The following ASXL2 variants were observed in gnomAD, a reference collection of about 807,000 sequenced individuals.
The protein encoded by ASXL2 is ASXL transcriptional regulator 2.
ASXL2 carries 23 observed loss-of-function variants against 122.0 expected under a neutral mutation model. The ratio of observed to expected loss-of-function variants is 0.19; its 90% CI spans 0.14 to 0.27. The LOEUF (loss-of-function observed/expected upper bound fraction) is 0.27. ASXL2 is among the 10% of genes least tolerant of loss of function. The pLI is 1.00. For missense variants in ASXL2, 1,518 were observed against 1,713.8 expected (o/e 0.89, Z 2.02); for synonymous variants, 650 against 637.0 (o/e 1.02, Z -0.31).
At chr2:25,853,887 T>C (rs2089747014) in intron 1 of ASXL2, among the ~76,000 whole-genome samples, 1 of 151,974 alleles carries the variant, frequency 6.6e-6, no homozygotes, top group Non-Finnish European at 1.5e-5. Flanking sequence ...ATTAGGAACA[T>C]ATGTGGCAAG....
chr2:25,789,658 C>A (rs1292743354), intron 5 of ASXL2, among the ~76,000 whole-genome samples: 1 of 152,070 alleles, frequency 6.6e-6, no homozygotes. Context: ...TGAGTGCCAA[C>A]ACGATGCTCA....
chr2:25,872,243 G>A (rs1200368228), intron 1 of ASXL2, among the ~76,000 whole-genome samples: 18 of 152,236 alleles, frequency 1.2e-4, no homozygotes, highest in Admixed American at 9.8e-4. Context: ...TTAGCCAGGC[G>A]TGGTAGTGCG....
At chr2:25,838,596 C>T (rs955252638) in intron 2 of ASXL2, among the ~76,000 whole-genome samples, 6 of 152,072 alleles carry the variant, frequency 3.9e-5, no homozygotes, top group Non-Finnish European at 4.4e-5. Context: ...ACACTCCTGA[C>T]AAATAGTTTG....
intron 5 of ASXL2, among the ~76,000 whole-genome samples, chr2:25,788,111 T>G (rs2149165492): frequency 6.6e-6 from 1 of 152,176 alleles, no homozygotes; most frequent in East Asian, 1.9e-4. Context: ...TGCAATAAAG[T>G]AAATGAAAGA....
intron 1 of ASXL2, among the ~76,000 whole-genome samples, chr2:25,867,180 G>A (rs540252573): frequency 1.1e-3 from 171 of 152,114 alleles, no homozygotes; most frequent in Middle Eastern, 3.4e-3. Flanking sequence ...GATTACAGGC[G>A]TGAGCCACCG....
intron 9 of ASXL2, among the ~76,000 whole-genome samples, 172 bp from the exon 10 acceptor site, chr2:25,756,286 T>TAGA (rs2088131948): frequency 6.6e-6 from 1 of 151,988 alleles, no homozygotes; most frequent in Non-Finnish European, 1.5e-5. Context: ...AATATCACTT[T>TAGA]GTTCTAAAAC....
At chr2:25,759,735 C>T in intron 8 of ASXL2, 90 bp from the exon 9 acceptor site, 1 of 1,302,644 alleles carries the variant, frequency 7.7e-7, no homozygotes, top group Non-Finnish European at 1.0e-6. Flanking sequence ...AAAAAATCCA[C>T]AATTGTAAGC....
At position 25,768,060 on chromosome 2, in the gene ASXL2, A is replaced by G. The variant is rs116797333; in HGVS notation, c.632-334T>C. ...AGTCTGTGTCTAGAAAGTTTAGAGTAGAAACAAACAAGCAACCACAACAAA... is the reference window on the plus strand; with the variant it reads ...AGTCTGTGTCTAGAAAGTTTAGAGTGGAAACAAACAAGCAACCACAACAAA... On this transcript the variant is annotated intron_variant, in intron 7 of 12. Transcript: ENST00000435504. Among the ~76,000 whole-genome samples the G allele has an allele frequency of 3.4e-3, 519 of 152,352 alleles. 4 individuals are homozygous for G. The highest frequency in any genetic ancestry group is 0.012 in the African/African-American group (487 of 41,594).
intron 8 of ASXL2, among the ~76,000 whole-genome samples, chr2:25,760,009 AATCTACAAATCATAC>A (rs2088213734): frequency 6.6e-6 from 1 of 152,176 alleles, no homozygotes; most frequent in Non-Finnish European, 1.5e-5. Context: ...AGAAAACCCA[AATCTACAAATCATAC>A]TGACTTCCTT....
intron 3 of ASXL2, among the ~76,000 whole-genome samples, chr2:25,820,495 T>C (rs1219904105): frequency 1.3e-5 from 2 of 152,200 alleles, no homozygotes; most frequent in Non-Finnish European, 2.9e-5. Context: ...ACAAACATGA[T>C]GGAATTTGGA....
rs371295814 is a variant in ASXL2 at position 25,750,000 on chromosome 2, T to C, written c.1556A>G (p.Glu519Gly). The change falls in exon 12 of 13, where the codon GAA becomes GGA. Residue 519 changes from glutamate to glycine, a missense_variant. Around this residue, in one of 8 missense-constraint regions of ASXL2, gnomAD observed 292 missense variants for 293.5 expected, o/e 1.00. Transcript: ENST00000435504. Reference sequence around the variant, plus strand: ...TTTGCTTGGCGATGTAACTAAAGATTCTTGGCTTTCACTTTTGTTATAATT... The same window carrying C: ...TTTGCTTGGCGATGTAACTAAAGATCCTTGGCTTTCACTTTTGTTATAATT... ...ASNYNKSESQ[E>G]SLVTSPSKPK... 10 of 1,613,886 alleles carry C rather than the reference T, an allele frequency of 6.2e-6. No homozygotes were observed. In the African/African-American group the frequency reaches 1.3e-4, roughly 22 times the overall value.
chr2:25,876,312 C>T (rs1368912318), intron 1 of ASXL2, among the ~76,000 whole-genome samples: 1 of 152,180 alleles, frequency 6.6e-6, no homozygotes, highest in Non-Finnish European at 1.5e-5. Context: ...TAAGTAGATG[C>T]AGACTAATTT....
At chr2:25,821,246 A>G (rs780129384) in intron 3 of ASXL2, among the ~76,000 whole-genome samples, 2 of 152,022 alleles carry the variant, frequency 1.3e-5, no homozygotes, top group African/African-American at 2.4e-5. Flanking sequence ...AGTCCCAACT[A>G]CTCCAGAAGC....
chr2:25,789,101 T>C (rs1272084433), intron 5 of ASXL2, among the ~76,000 whole-genome samples: 2 of 152,176 alleles, frequency 1.3e-5, no homozygotes, highest in African/African-American at 4.8e-5. Flanking sequence ...TACTATGATT[T>C]TGGTTAGGAT....
chr2:25,824,653 C>G (rs1482447645), intron 3 of ASXL2, among the ~76,000 whole-genome samples: 2 of 152,164 alleles, frequency 1.3e-5, no homozygotes, highest in African/African-American at 4.8e-5. Context: ...TGTCAGTCTC[C>G]AACCCCGTGG....
intron 1 of ASXL2, among the ~76,000 whole-genome samples, chr2:25,848,492 G>T (rs147802809): frequency 6.6e-6 from 1 of 151,860 alleles, no homozygotes. Flanking sequence ...GCGTGGTGGC[G>T]GACGCCTGTA....
intron 3 of ASXL2, among the ~76,000 whole-genome samples, chr2:25,824,784 A>T (rs1231617896): frequency 6.6e-6 from 1 of 152,202 alleles, no homozygotes; most frequent in East Asian, 1.9e-4. Context: ...ATTAACTGGT[A>T]ACTTTTCCGG....
chr2:25,868,871 A>T (rs1180981647), intron 1 of ASXL2, among the ~76,000 whole-genome samples: 1 of 152,126 alleles, frequency 6.6e-6, no homozygotes, highest in African/African-American at 2.4e-5. Flanking sequence ...TCTATAAAAA[A>T]TACAAAACAT....
chr2:25,776,900 G>C (rs2088555102), intron 5 of ASXL2, among the ~76,000 whole-genome samples: 1 of 152,034 alleles, frequency 6.6e-6, no homozygotes, highest in South Asian at 2.1e-4. Context: ...GCAATTACCA[G>C]GACAAACTGC....
Sources: allele counts gnomAD v4.1 joint callset (sites outside exome capture counted in the v4.1 genomes callset), GRCh38; gene constraint gnomAD v4.1.1; regional missense constraint gnomAD v4.1.1; transcripts MANE v1.5; gene names NCBI Gene and HGNC (gene_info 2026-07-23, HGNC 2026-07-21).